SASH1: variants seen among roughly 807,000 people sequenced by gnomAD.
SASH1 encodes SAM and SH3 domain-containing protein 1.
Under a neutral mutation model 125.2 loss-of-function variants are expected in SASH1, and 44 were observed. The observed-to-expected ratio is 0.35, with a 90% CI of 0.28 to 0.45. SASH1 has a LOEUF of 0.45. Among genes scored for constraint, SASH1 ranks in the 20% least tolerant of loss-of-function variants. The pLI is 1.00. For synonymous variants in SASH1, 639 were observed against 649.1 expected, an observed-to-expected ratio of 0.98 and a Z score of 0.24; for missense variants, 1,426 against 1,614.5, an observed-to-expected ratio of 0.88 and a Z score of 2.00.
Position 148,509,128 on chromosome 6 carries a change from A to G in SASH1, c.730-5196A>G, listed in dbSNP as rs142309920. The G allele has an allele frequency of 1.5e-3, 514 of 351,628 alleles. 3 individuals carry two copies. The Admixed American group carries it at 0.017, about 12-fold the overall frequency. The allele number at this position is 351,628 out of a possible 1,614,324, so 21.8% of individuals were successfully genotyped here. A position where few individuals can be genotyped will look rare whatever the true frequency, so the allele number is the denominator to read the frequency against. On this transcript the variant is annotated intron_variant, in intron 8 of 19. Transcript: ENST00000367467. The stretch of plus-strand genomic sequence containing the variant: ...GTTTTGAGAATTTGAGACAATGAGC[A>G]TATATGGCTCAGCTGTGAATTGTGG...
intron 1 of SASH1, among the ~76,000 whole-genome samples, chr6:148,299,909 G>T (rs1779894100): frequency 6.6e-6 from 1 of 152,094 alleles, no homozygotes; most frequent in Admixed American, 6.6e-5. Context: ...ATTTGGTGGA[G>T]ATTTTTAGGA....
chr6:148,208,506 CT>C, the SASH1 span, among the ~76,000 whole-genome samples: 1 of 151,968 alleles, frequency 6.6e-6, no homozygotes, highest in Admixed American at 6.6e-5. Flanking sequence ...AATAAACCTC[CT>C]AGGAGGTTAA....
chr6:148,518,056 G>A (rs1780545809), intron 9 of SASH1, among the ~76,000 whole-genome samples: 1 of 152,168 alleles, frequency 6.6e-6, no homozygotes, highest in Non-Finnish European at 1.5e-5. Flanking sequence ...GAAGTGGAGG[G>A]TAGACTATAA....
At chr6:148,249,292 C>A in the SASH1 span, among the ~76,000 whole-genome samples, 1 of 152,176 alleles carries the variant, frequency 6.6e-6, no homozygotes, top group African/African-American at 2.4e-5. Context: ...AATGAATACT[C>A]CTGCAGAGAC....
intron 4 of SASH1, among the ~76,000 whole-genome samples, chr6:148,447,310 G>A (rs1000984680): frequency 6.6e-6 from 1 of 152,178 alleles, no homozygotes; most frequent in East Asian, 1.9e-4. Flanking sequence ...AAGGCCAATA[G>A]AGCAGTGTTC....
the SASH1 span, among the ~76,000 whole-genome samples, chr6:148,259,082 T>C: frequency 2.6e-5 from 4 of 152,128 alleles, no homozygotes; most frequent in Non-Finnish European, 5.9e-5. Flanking sequence ...ACCTTGGCCA[T>C]GTCTATATTA....
intron 1 of SASH1, among the ~76,000 whole-genome samples, chr6:148,327,914 C>T (rs1395795124): frequency 6.9e-6 from 1 of 145,290 alleles, no homozygotes. Context: ...GCACTCCAGC[C>T]TGGGTGACAG....
the SASH1 span, among the ~76,000 whole-genome samples, chr6:148,265,816 A>G: frequency 6.6e-6 from 1 of 152,168 alleles, no homozygotes; most frequent in Admixed American, 6.5e-5. Flanking sequence ...GTTAGGAATT[A>G]ACAACCCATG....
intron 2 of SASH1, among the ~76,000 whole-genome samples, chr6:148,417,719 G>GTT (rs34971331): frequency 6.6e-6 from 1 of 151,650 alleles, no homozygotes; most frequent in African/African-American, 2.4e-5. Flanking sequence ...TTCCTCATTG[G>GTT]TTTTTTTTAA....
At chr6:148,487,086 T>TACACACACAC (rs1279414737) in intron 7 of SASH1, among the ~76,000 whole-genome samples, 10 of 94,222 alleles carry the variant, frequency 1.1e-4, no homozygotes, top group Non-Finnish European at 1.7e-4. Context: ...ATATAACACA[T>TACACACACAC]ATATATACAC....
intron 5 of SASH1, among the ~76,000 whole-genome samples, chr6:148,470,456 C>T (rs1374447614): frequency 1.3e-5 from 2 of 152,200 alleles, no homozygotes; most frequent in Non-Finnish European, 2.9e-5. Flanking sequence ...GACAGAGCTG[C>T]TATTTTGAAT....
chr6:148,335,437 C>A (rs1284185553), intron 1 of SASH1, among the ~76,000 whole-genome samples: 5 of 144,794 alleles, frequency 3.5e-5, no homozygotes, highest in African/African-American at 1.3e-4. Flanking sequence ...TGCACTCCAG[C>A]CTGGGCAACA....
chr6:148,327,442 G>A (rs1335611315), intron 1 of SASH1, among the ~76,000 whole-genome samples: 2 of 151,430 alleles, frequency 1.3e-5, no homozygotes, highest in Non-Finnish European at 1.5e-5. Context: ...CTGCCACCAC[G>A]CCCGGCTAAT....
At chr6:148,512,997 A>C in intron 8 of SASH1, 1 of 985,308 alleles carries the variant, frequency 1.0e-6, no homozygotes, top group Non-Finnish European at 1.2e-6. Context: ...ATCCCTTACT[A>C]TCCTTGTACT....
At chr6:148,343,331 G>A in intron 1 of SASH1, 108 bp downstream of exon 1, 1 of 1,039,012 alleles carries the variant, frequency 9.6e-7, no homozygotes, top group Non-Finnish European at 1.4e-6. Context: ...CTCCGCAGAG[G>A]CGTCCTTCTC....
At chr6:148,432,408 G>A (rs1776101984) in intron 2 of SASH1, among the ~76,000 whole-genome samples, 2 of 152,228 alleles carry the variant, frequency 1.3e-5, no homozygotes, top group Admixed American at 6.5e-5. Flanking sequence ...CAACTCTACA[G>A]CCTTCTTGTA....
chr6:148,194,417 T>C, the SASH1 span, among the ~76,000 whole-genome samples: 2 of 152,236 alleles, frequency 1.3e-5, no homozygotes, highest in South Asian at 2.1e-4. Flanking sequence ...TTCAGCTTCA[T>C]TGGAAATAGA....
intron 4 of SASH1, among the ~76,000 whole-genome samples, chr6:148,448,971 A>G (rs1355686003): frequency 2.0e-5 from 3 of 151,982 alleles, no homozygotes; most frequent in Non-Finnish European, 4.4e-5. Context: ...GTCAGTTGCC[A>G]AATCCTGTTT....
the SASH1 span, among the ~76,000 whole-genome samples, chr6:148,243,918 G>C: frequency 6.6e-6 from 1 of 152,062 alleles, no homozygotes; most frequent in Non-Finnish European, 1.5e-5. Context: ...TGCCATGTGG[G>C]AAGCGCCTGG....
Sources: gnomAD v4.1 joint callset for allele counts (sites outside exome capture counted in the v4.1 genomes callset) on GRCh38, gnomAD v4.1.1 for gene constraint, MANE v1.5 for transcripts, NCBI Gene and HGNC (gene_info 2026-07-23, HGNC 2026-07-21) for gene names.